Variants in COBLL1 observed in about 807,000 individuals in gnomAD.
COBLL1 encodes the protein cordon-bleu protein-like 1.
In COBLL1, 50 loss-of-function variants were observed where a neutral mutation model predicts 94.8. That is an observed-to-expected ratio of 0.53 (90% CI 0.42 to 0.67). The LOEUF is 0.67. Among genes scored for constraint, COBLL1 ranks in the 30% least tolerant of loss-of-function variants. The pLI, the probability that COBLL1 is intolerant of heterozygous loss-of-function variation, is 0.00. For missense variants in COBLL1, 1,362 were observed against 1,348.7 expected (o/e 1.01, Z -0.15); for synonymous variants, 448 against 473.8 (o/e 0.95, Z 0.71).
intron 2 of COBLL1, among the ~76,000 whole-genome samples, chr2:164,789,241 C>A (rs1468797582): frequency 1.3e-5 from 2 of 151,970 alleles, no homozygotes; most frequent in Admixed American, 6.6e-5. Context: ...TGGTCATACA[C>A]CCTATTTTAA....
Position 164,680,385 on chromosome 2 carries a change from T to C in COBLL1, c.*5561A>G, listed in dbSNP as rs943206375. On this transcript the variant is annotated 3_prime_UTR_variant, in exon 14 of 14. Transcript: ENST00000652658. ...ATTATTTTCTGATCCCTTGAAGGTA[T>C]CCAAAACCCACCAACAGAAATCATC... 1 of 152,082 alleles carries C rather than the reference T, an allele frequency of 6.6e-6. No homozygotes were observed. Among genetic ancestry groups the C allele is most frequent in the African/African-American group, 2.4e-5 (1 of 41,428 alleles). 9.4% of individuals were successfully genotyped at this position (152,082 alleles called of 1,614,324 possible).
chr2:164,753,966 C>T (rs955996960), intron 2 of COBLL1, among the ~76,000 whole-genome samples: 1 of 152,028 alleles, frequency 6.6e-6, no homozygotes. Flanking sequence ...CTCCTATCCT[C>T]AAATGATCCA....
chr2:164,810,403 GTA>G (rs1361467001), intron 2 of COBLL1, among the ~76,000 whole-genome samples: 1 of 151,336 alleles, frequency 6.6e-6, no homozygotes, highest in African/African-American at 2.4e-5. Flanking sequence ...AATTATATAA[GTA>G]TATGCCATAT....
chr2:164,741,540 A>G lies in COBLL1; in HGVS notation c.230+2147T>C, dbSNP rs72880632. ...GCAGTTCCCAATTAAAAAAAAAAAA[A>G]AGAGAGAAAGCCAATAGGCGCCAAG... On this transcript the variant is annotated intron_variant, in intron 3 of 13. Coordinates refer to ENST00000652658, the MANE Select transcript of COBLL1 (RefSeq NM_001365672.2). Among the ~76,000 whole-genome samples, 993 of 152,084 alleles carry G rather than the reference A, an allele frequency of 6.5e-3. 5 individuals are homozygous for G. Among genetic ancestry groups the G allele is most frequent in the Non-Finnish European group, 0.011 (739 of 67,986 alleles).
At chr2:164,802,046 G>C (rs1683837466) in intron 2 of COBLL1, among the ~76,000 whole-genome samples, 1 of 152,130 alleles carries the variant, frequency 6.6e-6, no homozygotes, top group South Asian at 2.1e-4. Flanking sequence ...TTAGAACCTA[G>C]AGTTTAAAAA....
chr2:164,698,793 A>C (rs1023370120), intron 11 of COBLL1, among the ~76,000 whole-genome samples: 9 of 152,030 alleles, frequency 5.9e-5, no homozygotes, highest in Admixed American at 1.3e-4. Context: ...GATTTGGATA[A>C]AAATTGAATG....
intron 2 of COBLL1, among the ~76,000 whole-genome samples, chr2:164,771,309 C>T (rs1261831485): frequency 2.0e-5 from 3 of 151,826 alleles, no homozygotes; most frequent in Non-Finnish European, 2.9e-5. Context: ...AAACAAAAAA[C>T]ACACATGTAA....
At chr2:164,686,635 C>G (rs1296487366) in intron 13 of COBLL1, among the ~76,000 whole-genome samples, 1 of 150,702 alleles carries the variant, frequency 6.6e-6, no homozygotes, top group East Asian at 1.9e-4. Context: ...TCCTAAGTTT[C>G]AAAATTCTAT....
chr2:164,723,493 T>C (rs2105503164), intron 5 of COBLL1: 1 of 152,256 alleles, frequency 6.6e-6, no homozygotes, highest in East Asian at 1.9e-4. Flanking sequence ...ACTTGGGACA[T>C]CTAGCCATAC....
At chr2:164,709,744 T>G (rs1684787468) in intron 7 of COBLL1, among the ~76,000 whole-genome samples, 1 of 151,654 alleles carries the variant, frequency 6.6e-6, no homozygotes, top group Admixed American at 6.6e-5. Flanking sequence ...TAAATAAAAA[T>G]AAAAAGACAT....
chr2:164,704,089 G>A lies in COBLL1; in HGVS notation c.1225+355C>T, dbSNP rs184393548. ...AAATTGTGCTTACACTTTCCTGTAA[G>A]TTTTCTTCTGCACACACCAAGGTAC... On this transcript the variant is annotated intron_variant, in intron 9 of 13. Coordinates refer to ENST00000652658, the MANE Select transcript of COBLL1 (RefSeq NM_001365672.2). Among the ~76,000 whole-genome samples the A allele has an allele frequency of 5.8e-4, 89 of 152,248 alleles. 1 individual carries two copies. The highest frequency in any genetic ancestry group is 2.0e-3 in the African/African-American group (85 of 41,546).
chr2:164,813,757 C>G (rs1364731044), intron 2 of COBLL1, among the ~76,000 whole-genome samples: 1 of 152,076 alleles, frequency 6.6e-6, no homozygotes, highest in Non-Finnish European at 1.5e-5. Context: ...TGTTTGTAGT[C>G]AAGCTGAAAA....
intron 2 of COBLL1, among the ~76,000 whole-genome samples, chr2:164,764,385 T>A (rs1687837144): frequency 6.6e-6 from 1 of 152,194 alleles, no homozygotes; most frequent in Non-Finnish European, 1.5e-5. Flanking sequence ...CCATATTTTC[T>A]GAATAAGAGA....
chr2:164,693,380 T>C (rs1683721096), intron 12 of COBLL1, among the ~76,000 whole-genome samples: 2 of 152,178 alleles, frequency 1.3e-5, no homozygotes, highest in Non-Finnish European at 2.9e-5. Context: ...ATGGTTAACA[T>C]TCTTTTGCTC....
intron 5 of COBLL1, chr2:164,724,673 T>C (rs1685628074): frequency 6.6e-6 from 1 of 152,166 alleles, no homozygotes; most frequent in African/African-American, 2.4e-5. Flanking sequence ...GTATTAAAAT[T>C]TGTGAGACAT....
intron 2 of COBLL1, among the ~76,000 whole-genome samples, chr2:164,660,546 G>T (rs1173710767): frequency 6.6e-6 from 1 of 152,132 alleles, no homozygotes; most frequent in African/African-American, 2.4e-5. Flanking sequence ...GGCCTCAGCT[G>T]AAAAACAAGC....
At chr2:164,765,629 G>T (rs1008077904) in intron 2 of COBLL1, among the ~76,000 whole-genome samples, 1 of 152,084 alleles carries the variant, frequency 6.6e-6, no homozygotes. Flanking sequence ...GACATTTAAA[G>T]CTCGGTGAAA....
In COBLL1 at chr2:164,841,429, G is replaced by C. The variant is rs1439977780; in HGVS notation, c.-50-183C>G. 8.6e-7 allele frequency: 1 copy of C among 1,157,076 alleles called. No individual in the cohort carries two copies. Among genetic ancestry groups the C allele is most frequent in the Admixed American group, 4.7e-5 (1 of 21,258 alleles). The allele number at this position is 1,157,076 out of a possible 1,614,324, so 71.7% of individuals were successfully genotyped here. On this transcript the variant is annotated intron_variant, in intron 1 of 13. Coordinates refer to ENST00000652658, the MANE Select transcript of COBLL1 (RefSeq NM_001365672.2). The surrounding 1 kb of genome is among the most constrained non-coding windows in gnomAD (Gnocchi z 5.5). Reference sequence around the variant, plus strand: ...CGGGCGCCGCCGCCGTCTCTACAAGGTCTAGCGGGCGCCCAGAGCACGGCG... The same window carrying C: ...CGGGCGCCGCCGCCGTCTCTACAAGCTCTAGCGGGCGCCCAGAGCACGGCG...
intron 2 of COBLL1, among the ~76,000 whole-genome samples, chr2:164,763,396 G>C (rs115662939): frequency 0.011 from 1,614 of 152,206 alleles, 20 homozygotes; most frequent in Non-Finnish European, 0.017. Context: ...GACCAAAATG[G>C]AGGAATTTTC....
Sources: allele counts gnomAD v4.1 joint callset (sites outside exome capture counted in the v4.1 genomes callset), GRCh38; gene constraint gnomAD v4.1.1; non-coding constraint Gnocchi (gnomAD v3.1); transcripts MANE v1.5; gene names NCBI Gene and HGNC (gene_info 2026-07-23, HGNC 2026-07-21).